The following RGS7 variants were observed in gnomAD, a reference collection of about 807,000 sequenced individuals.
The protein encoded by RGS7 is regulator of G protein signaling 7.
In RGS7, 27 loss-of-function variants were observed where a neutral mutation model predicts 81.1. That is an observed-to-expected ratio of 0.33 (90% CI 0.25 to 0.46). The LOEUF (loss-of-function observed/expected upper bound fraction) is 0.46. Among genes scored for constraint, RGS7 ranks in the 20% least tolerant of loss-of-function variants. The pLI, the probability that RGS7 is intolerant of heterozygous loss-of-function variation, is 1.00. For synonymous variants in RGS7, 208 were observed against 207.7 expected, an observed-to-expected ratio of 1.00 and a Z score of -0.01; for missense variants, 396 against 607.4, an observed-to-expected ratio of 0.65 and a Z score of 3.66.
At chr1:241,062,001 T>G (rs2061766658) in intron 3 of RGS7, among the ~76,000 whole-genome samples, 1 of 152,238 alleles carries the variant, frequency 6.6e-6, no homozygotes, top group Non-Finnish European at 1.5e-5. Context: ...GCTCATGGTT[T>G]CTATTTTTGT....
At chr1:241,300,468 A>G (rs555504196) in intron 2 of RGS7, among the ~76,000 whole-genome samples, 1 of 152,302 alleles carries the variant, frequency 6.6e-6, no homozygotes, top group Non-Finnish European at 1.5e-5. Flanking sequence ...TCTTTTCACC[A>G]TCTCCATAGT....
At chr1:241,347,120 A>G (rs2082942208) in intron 2 of RGS7, among the ~76,000 whole-genome samples, 1 of 152,202 alleles carries the variant, frequency 6.6e-6, no homozygotes, top group Admixed American at 6.5e-5. Context: ...TGTGTGGACA[A>G]TGAAGGTCAT....
chr1:240,950,987 TC>T (rs1372681238), intron 4 of RGS7, among the ~76,000 whole-genome samples: 5 of 151,928 alleles, frequency 3.3e-5, no homozygotes, highest in Non-Finnish European at 7.4e-5. Flanking sequence ...AGTAGTGTGA[TC>T]ATGGCTCATT....
chr1:241,167,904 T>C (rs1176668271), intron 2 of RGS7, among the ~76,000 whole-genome samples: 1 of 152,138 alleles, frequency 6.6e-6, no homozygotes, highest in African/African-American at 2.4e-5. Context: ...TCTGTACTCC[T>C]GGGGTGGTGT....
At chr1:241,237,701 G>A (rs1301346599) in intron 2 of RGS7, among the ~76,000 whole-genome samples, 2 of 152,134 alleles carry the variant, frequency 1.3e-5, no homozygotes, top group African/African-American at 2.4e-5. Context: ...GCGTGGCCAG[G>A]GAAGCAGAGC....
At chr1:240,968,880 T>C (rs1305839911) in intron 4 of RGS7, among the ~76,000 whole-genome samples, 1 of 152,100 alleles carries the variant, frequency 6.6e-6, no homozygotes, top group Non-Finnish European at 1.5e-5. Flanking sequence ...GACATAGAAA[T>C]AGAATAAGCA....
At chr1:241,098,120 A>T (rs745733161) in intron 3 of RGS7, among the ~76,000 whole-genome samples, 17 of 152,160 alleles carry the variant, frequency 1.1e-4, no homozygotes, top group Admixed American at 2.6e-4. Context: ...AAATGTCTCC[A>T]TATTTCCCCT....
intron 3 of RGS7, chr1:240,998,460 C>G: frequency 2.1e-6 from 2 of 936,704 alleles, no homozygotes; most frequent in South Asian, 2.7e-5. Flanking sequence ...TCAAAAAGAC[C>G]AAAGCCCATG....
chr1:240,963,577 C>G (rs1293964859), intron 4 of RGS7, among the ~76,000 whole-genome samples: 1 of 152,094 alleles, frequency 6.6e-6, no homozygotes, highest in Non-Finnish European at 1.5e-5. Context: ...GAGAAGTAAT[C>G]ATTGAATTTT....
intron 2 of RGS7, among the ~76,000 whole-genome samples, chr1:241,320,386 TATA>T (rs2081140605): frequency 6.6e-6 from 1 of 152,230 alleles, no homozygotes; most frequent in Non-Finnish European, 1.5e-5. Flanking sequence ...ACTATCACAC[TATA>T]ATAACTGTGG....
At chr1:240,843,343 G>A (rs908379793) in intron 9 of RGS7, among the ~76,000 whole-genome samples, 15 of 151,584 alleles carry the variant, frequency 9.9e-5, no homozygotes, top group African/African-American at 3.6e-4. Context: ...TCAGCTCACT[G>A]TAACTTCAAT....
chr1:240,969,677 A>G (rs951606106), intron 4 of RGS7, among the ~76,000 whole-genome samples: 1 of 152,262 alleles, frequency 6.6e-6, no homozygotes, highest in African/African-American at 2.4e-5. Flanking sequence ...ACTGGCATTT[A>G]TAGATGCATG....
At chr1:240,953,755 T>C (rs1260242326) in intron 4 of RGS7, among the ~76,000 whole-genome samples, 1 of 151,744 alleles carries the variant, frequency 6.6e-6, no homozygotes, top group Non-Finnish European at 1.5e-5. Context: ...TAAAATTACA[T>C]CAGAAATCAA....
intron 18 of RGS7, among the ~76,000 whole-genome samples, chr1:240,778,808 A>G (rs961031514): frequency 1.3e-5 from 2 of 152,244 alleles, no homozygotes; most frequent in Non-Finnish European, 2.9e-5. Context: ...CTGGGATTAC[A>G]GGCACAAGCC....
intron 2 of RGS7, among the ~76,000 whole-genome samples, chr1:241,283,073 T>C (rs1260373012): frequency 1.3e-5 from 2 of 152,198 alleles, no homozygotes; most frequent in Non-Finnish European, 2.9e-5. Flanking sequence ...CATGTCCTTT[T>C]ATCCTGTCCT....
At chr1:241,316,521 G>C (rs895437373) in intron 2 of RGS7, among the ~76,000 whole-genome samples, 1 of 152,196 alleles carries the variant, frequency 6.6e-6, no homozygotes, top group Non-Finnish European at 1.5e-5. Flanking sequence ...TTGAGGAGCT[G>C]TATTCAGGAG....
At chr1:241,026,503 C>T (rs1358152496) in intron 3 of RGS7, among the ~76,000 whole-genome samples, 1 of 151,848 alleles carries the variant, frequency 6.6e-6, no homozygotes, top group Non-Finnish European at 1.5e-5. Context: ...GCACAAGAAT[C>T]GCTTGAACCT....
chr1:241,127,929 A>G (rs1404713221), intron 2 of RGS7, among the ~76,000 whole-genome samples: 1 of 152,188 alleles, frequency 6.6e-6, no homozygotes, highest in Admixed American at 6.5e-5. Context: ...ACTTGAAAAA[A>G]AAGTACAGTT....
chr1:241,040,153 C>T (rs899549847), intron 3 of RGS7, among the ~76,000 whole-genome samples: 61 of 152,214 alleles, frequency 4.0e-4, no homozygotes, highest in African/African-American at 1.4e-3. Flanking sequence ...GAGGTGGCCA[C>T]ATCTCCTTTA....
Sources: allele counts gnomAD v4.1 joint callset (sites outside exome capture counted in the v4.1 genomes callset), GRCh38; gene constraint gnomAD v4.1.1; transcripts MANE v1.5; gene names NCBI Gene and HGNC (gene_info 2026-07-23, HGNC 2026-07-21).